PIK3C3: variants seen among roughly 807,000 people sequenced by gnomAD.
PIK3C3 encodes PI3-kinase type 3.
PIK3C3 carries 95 observed loss-of-function variants against 126.1 expected under a neutral mutation model. The observed-to-expected ratio is 0.75, with a 90% CI of 0.64 to 0.89. PIK3C3 has a LOEUF of 0.89. PIK3C3 is among the 40% of genes least tolerant of loss of function. The pLI is 0.00. For synonymous variants in PIK3C3, 374 were observed against 360.0 expected, an observed-to-expected ratio of 1.04 and a Z score of -0.44; for missense variants, 829 against 1,063.2, an observed-to-expected ratio of 0.78 and a Z score of 3.06.
At position 42,037,732 on chromosome 18, in the gene PIK3C3, A is replaced by T; in HGVS notation, c.1880A>T (p.Asp627Val). ...GCACAGTTGTTTTTTAAGACGGAAG[A>T]TGGAGGCAAATATCCAGTTATATTT... is the stretch of plus-strand genomic sequence containing the variant. ...MPAQLFFKTE[D>V]GGKYPVIFKH... Residue 627 changes from aspartate (D) to valine (V), a missense_variant, in exon 17 of 25, where the codon GAT becomes GTT. This residue lies in a region of PIK3C3 where 256 missense variants were observed against 291.0 expected (regional missense o/e 0.88). Coordinates refer to ENST00000262039, the MANE Select transcript of PIK3C3 (RefSeq NM_002647.4). 1.2e-6 allele frequency: 2 copies of T among 1,612,220 alleles called. No homozygotes were observed. The highest frequency in any genetic ancestry group is 1.7e-6 in the Non-Finnish European group (2 of 1,178,548).
At chr18:42,000,724 G>A (rs551928461) in intron 9 of PIK3C3, among the ~76,000 whole-genome samples, 29 of 152,290 alleles carry the variant, frequency 1.9e-4, no homozygotes, top group African/African-American at 6.7e-4. Context: ...AGCAAGTCAT[G>A]TCTTACGTGG....
At position 42,081,155 on chromosome 18, in the gene PIK3C3, C is replaced by T; in HGVS notation, c.*18C>T. The T allele has an allele frequency of 6.4e-7, 1 of 1,569,386 alleles. No homozygotes were observed. On this transcript the variant is annotated 3_prime_UTR_variant, in exon 25 of 25. Transcript: ENST00000262039. ...GAAAATGAAACTGGGATTGACCCAT[C>T]AAGATGCTTGGCTCAATAAGAAAAC...
chr18:41,965,480 A>T (rs1396393969), intron 3 of PIK3C3, among the ~76,000 whole-genome samples: 1 of 152,120 alleles, frequency 6.6e-6, no homozygotes, highest in African/African-American at 2.4e-5. Flanking sequence ...ACTACATCAA[A>T]TCAGTAATAA....
chr18:42,041,525 C>G (rs1454981630), intron 19 of PIK3C3, among the ~76,000 whole-genome samples: 1 of 132,168 alleles, frequency 7.6e-6, no homozygotes, highest in Non-Finnish European at 1.6e-5. Context: ...TGGATTAGTT[C>G]TTATAACATG....
At chr18:42,043,338 A>C (rs1984411765) in intron 19 of PIK3C3, among the ~76,000 whole-genome samples, 1 of 152,020 alleles carries the variant, frequency 6.6e-6, no homozygotes. Flanking sequence ...TGATCTGCCC[A>C]CCTCGGCCTC....
In PIK3C3 at chr18:42,072,583, G is replaced by C. The variant is rs560359009; in HGVS notation, c.2649+5070G>C. Among the ~76,000 whole-genome samples, 16 of 152,274 alleles carry C rather than the reference G, an allele frequency of 1.1e-4. No homozygotes were observed. The South Asian group carries it at 3.3e-3, about 32-fold the overall frequency. Reference sequence around the variant, plus strand: ...TCTTGTTCTGTCGCCCCCCACTGGAGTGCAGTGGTACAATAATGGTTCACT... The same window carrying C: ...TCTTGTTCTGTCGCCCCCCACTGGACTGCAGTGGTACAATAATGGTTCACT... On this transcript the variant is annotated intron_variant, in intron 24 of 24. Transcript: ENST00000262039.
chr18:41,959,360 A>G lies in PIK3C3; in HGVS notation c.257+1602A>G, dbSNP rs1212231274. Among the ~76,000 whole-genome samples, 2 of 152,210 alleles carry G rather than the reference A, an allele frequency of 1.3e-5. 1 individual carries two copies. Among genetic ancestry groups the G allele is most frequent in the African/African-American group, 4.8e-5 (2 of 41,464 alleles). On this transcript the variant is annotated intron_variant, in intron 2 of 24. Transcript: ENST00000262039. ...TTAGTTTTTATATTATATGTTTGCA[A>G]GAATATAAAAACTTCCATGTTTGAT...
rs1219946096 is a variant in PIK3C3 at position 42,023,497 on chromosome 18, C to T, written c.1484+2792C>T. On this transcript the variant is annotated intron_variant, in intron 13 of 24. Coordinates refer to ENST00000262039, the MANE Select transcript of PIK3C3 (RefSeq NM_002647.4). Reference sequence around the variant, plus strand: ...AACTTAGATTTGATTTGTGTTTTCCCACTATATCTCTGATTCATTGAATCA... The same window carrying T: ...AACTTAGATTTGATTTGTGTTTTCCTACTATATCTCTGATTCATTGAATCA... Among the ~76,000 whole-genome samples, 4 of 152,210 alleles carry T rather than the reference C, an allele frequency of 2.6e-5. No homozygotes were observed. In the East Asian group the frequency reaches 5.8e-4, roughly 22 times the overall value.
intron 20 of PIK3C3, among the ~76,000 whole-genome samples, chr18:42,048,090 A>G (rs1341367256): frequency 6.6e-6 from 1 of 152,206 alleles, no homozygotes; most frequent in Non-Finnish European, 1.5e-5. Flanking sequence ...CTTCATCTAG[A>G]TACCCTTTAA....
At chr18:42,043,227 C>T (rs1598925403) in intron 19 of PIK3C3, among the ~76,000 whole-genome samples, 1 of 151,734 alleles carries the variant, frequency 6.6e-6, no homozygotes, top group South Asian at 2.1e-4. Flanking sequence ...GCCTCCCGAG[C>T]AGCTGGGACT....
intron 1 of PIK3C3, among the ~76,000 whole-genome samples, chr18:41,956,500 G>A (rs1979779383): frequency 6.8e-6 from 1 of 146,108 alleles, no homozygotes; most frequent in African/African-American, 2.6e-5. Flanking sequence ...TGCATTTTTT[G>A]AAATGTTTGA....
At chr18:42,049,276 T>G (rs1173437246) in intron 20 of PIK3C3, 1 of 333,282 alleles carries the variant, frequency 3.0e-6, no homozygotes, top group Non-Finnish European at 5.5e-6. Context: ...ATTTAAGGTC[T>G]CCTGAACCTA....
intron 24 of PIK3C3, among the ~76,000 whole-genome samples, chr18:42,076,165 C>CAT (rs375558824): frequency 0.12 from 12,061 of 103,474 alleles, 1,275 homozygotes; most frequent in East Asian, 0.31. Flanking sequence ...TATATATGCA[C>CAT]ATATATATAT....
intron 3 of PIK3C3, among the ~76,000 whole-genome samples, chr18:41,963,786 T>C (rs1265076875): frequency 2.0e-5 from 3 of 152,178 alleles, no homozygotes; most frequent in South Asian, 4.1e-4. Context: ...TTGTCCTTTT[T>C]AGAAATTGAG....
At chr18:42,037,899 A>G in intron 17 of PIK3C3, 79 bp downstream of exon 17, 2 of 1,283,990 alleles carry the variant, frequency 1.6e-6, no homozygotes, top group Non-Finnish European at 2.2e-6. Flanking sequence ...CTGTTTATGG[A>G]ACAGAAGTAT....
At chr18:41,956,071 C>G (rs1979756355) in intron 1 of PIK3C3, among the ~76,000 whole-genome samples, 1 of 152,108 alleles carries the variant, frequency 6.6e-6, no homozygotes, top group Non-Finnish European at 1.5e-5. Flanking sequence ...GAAATTATGT[C>G]CCTTTTAAGG....
intron 10 of PIK3C3, among the ~76,000 whole-genome samples, chr18:42,012,354 G>C (rs532367786): frequency 1.3e-5 from 2 of 152,224 alleles, no homozygotes; most frequent in East Asian, 3.9e-4. Context: ...TTACAAATAG[G>C]AAAGTGTGGA....
At chr18:41,975,253 A>G (rs933946744) in intron 4 of PIK3C3, among the ~76,000 whole-genome samples, 3 of 152,338 alleles carry the variant, frequency 2.0e-5, no homozygotes, top group Admixed American at 2.0e-4. Context: ...CATGCCAACC[A>G]CTTCAAAGAG....
chr18:41,957,236 C>T (rs1021063969), intron 1 of PIK3C3, among the ~76,000 whole-genome samples: 1 of 152,028 alleles, frequency 6.6e-6, no homozygotes, highest in African/African-American at 2.4e-5. Context: ...GAAACCAAGG[C>T]CTAGAAAGCT....
Sources: gnomAD v4.1 joint callset for allele counts (sites outside exome capture counted in the v4.1 genomes callset) on GRCh38, gnomAD v4.1.1 for gene constraint, gnomAD v4.1.1 regional missense constraint, MANE v1.5 for transcripts, NCBI Gene and HGNC (gene_info 2026-07-23, HGNC 2026-07-21) for gene names.